Variants in ZNF799 observed in about 807,000 individuals in gnomAD.
ZNF799 encodes the protein zinc finger protein 14.
Under a neutral mutation model 41.0 loss-of-function variants are expected in ZNF799, and 28 were observed. The observed-to-expected ratio is 0.68, with a 90% CI of 0.51 to 0.94. The LOEUF is 0.94. Among genes scored for constraint, ZNF799 ranks in the 40% least tolerant of loss-of-function variants. ZNF799 has a pLI of 0.00. For synonymous variants in ZNF799, 213 were observed against 252.9 expected (o/e 0.84, Z 1.50); for missense variants, 716 against 764.3 (o/e 0.94, Z 0.74).
rs770188151 is a variant in ZNF799, at chr19:12,391,769, C to G, written c.629G>C (p.Ser210Thr). The change falls in exon 4 of 4, where the codon AGT becomes ACT. Residue 210 changes from serine to threonine, a missense_variant. Transcript: ENST00000430385. Reference sequence around the variant, plus strand: ...CGTTCTCTCATGCATATGTAATAAACTGGGCCAAAAAAACGCTTTCCCACA... The same window carrying G: ...CGTTCTCTCATGCATATGTAATAAAGTGGGCCAAAAAAACGCTTTCCCACA... Reference protein sequence around the residue: ...KLCGKAFFWPSLLHMHERTHT... With the variant: ...KLCGKAFFWPTLLHMHERTHT... 8.7e-6 allele frequency: 14 copies of G among 1,614,004 alleles called. No homozygotes were observed. Among genetic ancestry groups the G allele is most frequent in the Admixed American group, 1.7e-5 (1 of 59,992 alleles).
chr19:12,391,076 G>C lies in ZNF799; in HGVS notation c.1322C>G (p.Thr441Arg). ...ATAGGGTTTCTCTCCAGTATGAGTT[G>C]TTTCATGCCTTCGAAGAGAACTGGA... The part of the protein sequence containing the change: ...RISSSLRRHE[T>R]THTGEKPYKC... Residue 441 changes from threonine (T) to arginine (R), a missense_variant, in exon 4 of 4, where the codon ACA (threonine) becomes AGA (arginine). Thr to Arg is a moderately conservative substitution (Grantham distance 71, BLOSUM62 -1). This residue lies in a region of ZNF799 where 698 missense variants were observed against 713.6 expected (regional missense o/e 0.98). Coordinates refer to ENST00000430385, the MANE Select transcript of ZNF799 (RefSeq NM_001080821.3). 6.2e-7 allele frequency: 1 copy of C among 1,614,114 alleles called. No individual in the cohort carries two copies. Among genetic ancestry groups the C allele is most frequent in the Non-Finnish European group, 8.5e-7 (1 of 1,179,992 alleles).
the ZNF799 span, among the ~76,000 whole-genome samples, chr19:12,408,563 T>G: frequency 3.3e-5 from 5 of 152,224 alleles, no homozygotes; most frequent in East Asian, 9.6e-4. Context: ...TATAAAGAAA[T>G]ATATGCCATT....
chr19:12,392,874 G>A lies in ZNF799; in HGVS notation c.131-211C>T, dbSNP rs201427938. Among the ~76,000 whole-genome samples, 28 of 152,190 alleles carry A rather than the reference G, an allele frequency of 1.8e-4. No homozygotes were observed. The East Asian group carries it at 5.4e-3, about 29-fold the overall frequency. ...TCTGCTACCCAAGACACTAAGACCA[G>A]CCCCTCCTCTTACTCAGCCTACTCA... On this transcript the variant is annotated intron_variant, in intron 2 of 3. Transcript: ENST00000430385.
At chr19:12,396,927 C>T (rs548636787) in intron 1 of ZNF799, among the ~76,000 whole-genome samples, 2 of 152,216 alleles carry the variant, frequency 1.3e-5, no homozygotes, top group South Asian at 2.1e-4. Context: ...AGATCATACA[C>T]ACACACACAC....
the ZNF799 span, among the ~76,000 whole-genome samples, chr19:12,408,079 A>G: frequency 6.6e-6 from 1 of 152,128 alleles, no homozygotes; most frequent in Non-Finnish European, 1.5e-5. Context: ...TCTTGAGCCC[A>G]GGAGTTTGAG....
At chr19:12,413,762 C>T in the ZNF799 span, among the ~76,000 whole-genome samples, 1 of 151,984 alleles carries the variant, frequency 6.6e-6, no homozygotes, top group Non-Finnish European at 1.5e-5. Context: ...TTACTGTGAC[C>T]CCTATAAAGA....
chr19:12,401,541 CTTTTTT>C (rs769048606), upstream of ZNF799, among the ~76,000 whole-genome samples: 17 of 41,744 alleles, frequency 4.1e-4, no homozygotes, highest in East Asian at 5.4e-4. Context: ...AACAATTATA[CTTTTTT>C]TTTTTTTTTT....
chr19:12,392,207 C>G lies in ZNF799; in HGVS notation c.192-1G>C, dbSNP rs1415456679. ...AACAAATCTCTCTAACATACGACAT[C>G]TGTAAAAAATGGGAAATATATCACT... On this transcript the variant is annotated splice_acceptor_variant, in intron 3 of 3. Coordinates refer to ENST00000430385, the MANE Select transcript of ZNF799 (RefSeq NM_001080821.3). LOFTEE classifies it high-confidence loss of function. The G allele has an allele frequency of 1.3e-6, 2 of 1,550,978 alleles. No homozygotes were observed. The highest frequency in any genetic ancestry group is 1.7e-6 in the Non-Finnish European group (2 of 1,149,544).
At chr19:12,403,853 G>T (rs1970013728), upstream of ZNF799, among the ~76,000 whole-genome samples, 1 of 152,060 alleles carries the variant, frequency 6.6e-6, no homozygotes, top group Non-Finnish European at 1.5e-5. Context: ...CACCCAGCCT[G>T]CAGGTCTTCT....
At position 12,401,150 on chromosome 19, in the gene ZNF799, C is replaced by G. The variant is rs1969978446; in HGVS notation, c.-80G>C. On this transcript the variant is annotated 5_prime_UTR_variant, in exon 1 of 4. Coordinates refer to ENST00000430385, the MANE Select transcript of ZNF799 (RefSeq NM_001080821.3). ...GGTTCCCGCGGGACACAGGCTGCCACGGAACTTCCAGGTCGTCTCTTAGCT... is the reference window on the plus strand; with the variant it reads ...GGTTCCCGCGGGACACAGGCTGCCAGGGAACTTCCAGGTCGTCTCTTAGCT... 2 of 1,610,448 alleles carry G rather than the reference C, an allele frequency of 1.2e-6. No individual in the cohort carries two copies. Among genetic ancestry groups the G allele is most frequent in the African/African-American group, 2.7e-5 (2 of 74,928 alleles).
In ZNF799 at chr19:12,401,077, A is replaced by C; in HGVS notation, c.-7T>G. ...GGCCCAGCACACGCACCATTTCCCGACTTCCGCGGTGTCCCAGGTCCTCCG... is the reference window on the plus strand; with the variant it reads ...GGCCCAGCACACGCACCATTTCCCGCCTTCCGCGGTGTCCCAGGTCCTCCG... On this transcript the variant is annotated 5_prime_UTR_variant, in exon 1 of 4. Coordinates refer to ENST00000430385, the MANE Select transcript of ZNF799 (RefSeq NM_001080821.3). 1 of 1,613,762 alleles carries C rather than the reference A, an allele frequency of 6.2e-7. No individual in the cohort carries two copies. The highest frequency in any genetic ancestry group is 8.5e-7 in the Non-Finnish European group (1 of 1,179,828).
chr19:12,412,582 T>A, the ZNF799 span, among the ~76,000 whole-genome samples: 1 of 150,024 alleles, frequency 6.7e-6, no homozygotes, highest in Non-Finnish European at 1.5e-5. Context: ...CAAAAACAAG[T>A]GTTCTTGAAG....
In ZNF799 at chr19:12,394,201, T is replaced by A. The variant is rs561669790; in HGVS notation, c.4-778A>T. The A allele has an allele frequency of 2.0e-5, 3 of 152,390 alleles. No individual in the cohort carries two copies. In the East Asian group the frequency reaches 5.8e-4, roughly 29 times the overall value. The allele number at this position is 152,390 out of a possible 1,614,324, so 9.4% of individuals were successfully genotyped here. Reference sequence around the variant, plus strand: ...GTCCTTCTGAGAAGAGTAAGAGATCTGAGCTAGACACTCAGCTCCCTCACC... The same window carrying A: ...GTCCTTCTGAGAAGAGTAAGAGATCAGAGCTAGACACTCAGCTCCCTCACC... On this transcript the variant is annotated intron_variant, in intron 1 of 3. Transcript: ENST00000430385.
At chr19:12,402,605 C>T (rs532748643), upstream of ZNF799, among the ~76,000 whole-genome samples, 35 of 98,058 alleles carry the variant, frequency 3.6e-4, no homozygotes, top group Non-Finnish European at 6.4e-4. Context: ...AAGGTAGCTG[C>T]TTCTATACCC....
chr19:12,408,263 T>C, the ZNF799 span, among the ~76,000 whole-genome samples: 1 of 152,124 alleles, frequency 6.6e-6, no homozygotes, highest in Non-Finnish European at 1.5e-5. Flanking sequence ...TCATTTCACA[T>C]AGTAATAGAT....
upstream of ZNF799, among the ~76,000 whole-genome samples, chr19:12,403,654 G>A (rs1970012781): frequency 6.6e-6 from 1 of 151,974 alleles, no homozygotes; most frequent in Admixed American, 6.6e-5. Flanking sequence ...CTGGGTTCAA[G>A]CAATTCTCCT....
At chr19:12,409,989 A>T in the ZNF799 span, among the ~76,000 whole-genome samples, 1 of 152,024 alleles carries the variant, frequency 6.6e-6, no homozygotes, top group Non-Finnish European at 1.5e-5. Context: ...TCTACTAAAA[A>T]TACAAAAAAT....
chr19:12,414,779 C>T, the ZNF799 span, among the ~76,000 whole-genome samples: 23 of 152,290 alleles, frequency 1.5e-4, no homozygotes, highest in East Asian at 4.1e-3. Context: ...CCACAGTTCA[C>T]AAGCAAACTC....
chr19:12,404,505 G>T (rs1970016978), upstream of ZNF799, among the ~76,000 whole-genome samples: 1 of 151,806 alleles, frequency 6.6e-6, no homozygotes, highest in Non-Finnish European at 1.5e-5. Flanking sequence ...TGCAATCTTG[G>T]CTTACTGTAG....
Sources: allele counts gnomAD v4.1 joint callset (sites outside exome capture counted in the v4.1 genomes callset), GRCh38; gene constraint gnomAD v4.1.1; regional missense constraint gnomAD v4.1.1; transcripts MANE v1.5; gene names NCBI Gene and HGNC (gene_info 2026-07-23, HGNC 2026-07-21).